The following GALNT13 variants were observed in gnomAD, a reference collection of about 807,000 sequenced individuals.
GALNT13 encodes UDP-GalNAc:polypeptide N-acetylgalactosaminyltransferase 13.
Under a neutral mutation model 64.2 loss-of-function variants are expected in GALNT13, and 28 were observed. The ratio of observed to expected loss-of-function variants is 0.44; its 90% CI spans 0.32 to 0.60. The LOEUF (loss-of-function observed/expected upper bound fraction) is 0.60, where lower values mean the gene tolerates loss of function less well. Among genes scored for constraint, GALNT13 ranks in the 20% least tolerant of loss-of-function variants. The probability of loss-of-function intolerance (pLI) is 0.05; values close to 1 mark genes in which losing one functional copy is unlikely to be tolerated. For synonymous variants in GALNT13, 214 were observed against 224.6 expected (o/e 0.95, Z 0.42); for missense variants, 577 against 669.8 (o/e 0.86, Z 1.53).
intron 3 of GALNT13, among the ~76,000 whole-genome samples, chr2:153,972,366 C>G (rs765107820): frequency 3.9e-5 from 6 of 152,096 alleles, no homozygotes; most frequent in Non-Finnish European, 8.8e-5. Flanking sequence ...ACACTAAGAA[C>G]TCTTTACTCC....
At chr2:153,430,760 T>A in the GALNT13 span, among the ~76,000 whole-genome samples, 5 of 152,158 alleles carry the variant, frequency 3.3e-5, no homozygotes, top group African/African-American at 7.2e-5. Context: ...ATTTAAAATT[T>A]TATAAAGGAA....
chr2:154,256,106 C>T (rs1234301847), intron 7 of GALNT13, among the ~76,000 whole-genome samples: 1 of 151,356 alleles, frequency 6.6e-6, no homozygotes, highest in Non-Finnish European at 1.5e-5. Flanking sequence ...AAATAGAGAG[C>T]AGGATTGTTA....
chr2:154,099,722 G>C (rs1160169852), intron 3 of GALNT13, among the ~76,000 whole-genome samples: 2 of 152,072 alleles, frequency 1.3e-5, no homozygotes, highest in Non-Finnish European at 2.9e-5. Context: ...AGGATTGCTT[G>C]AGCCCAAAAG....
chr2:153,942,209 T>C (rs777301188), intron 2 of GALNT13, among the ~76,000 whole-genome samples: 10 of 152,154 alleles, frequency 6.6e-5, no homozygotes, highest in Non-Finnish European at 1.3e-4. Context: ...GCAGGAAATA[T>C]GTTATAAACA....
At chr2:153,947,353 A>T (rs550873448) in intron 3 of GALNT13, among the ~76,000 whole-genome samples, 1 of 151,552 alleles carries the variant, frequency 6.6e-6, no homozygotes, top group African/African-American at 2.4e-5. Flanking sequence ...GCGTGTAATC[A>T]TGTGCCATAT....
the GALNT13 span, among the ~76,000 whole-genome samples, chr2:153,524,929 T>C: frequency 1.3e-5 from 2 of 151,514 alleles, no homozygotes; most frequent in South Asian, 4.2e-4. Context: ...GCTAGAGGAG[T>C]GCTGGCATCA....
intron 11 of GALNT13, among the ~76,000 whole-genome samples, chr2:154,432,798 A>C (rs1223383506): frequency 6.6e-6 from 1 of 152,188 alleles, no homozygotes; most frequent in Non-Finnish European, 1.5e-5. Flanking sequence ...GTATGACTTC[A>C]TCATGAGGAC....
the GALNT13 span, among the ~76,000 whole-genome samples, chr2:153,663,954 G>T: frequency 6.6e-6 from 1 of 152,136 alleles, no homozygotes; most frequent in Non-Finnish European, 1.5e-5. Flanking sequence ...GATTTCAAAA[G>T]GGGAGGGGGT....
chr2:153,693,066 A>G, the GALNT13 span, among the ~76,000 whole-genome samples: 1 of 152,356 alleles, frequency 6.6e-6, no homozygotes, highest in Admixed American at 6.5e-5. Flanking sequence ...GTGTTCTACA[A>G]TACATTTCAT....
chr2:153,098,171 C>T, the GALNT13 span, among the ~76,000 whole-genome samples: 1 of 152,200 alleles, frequency 6.6e-6, no homozygotes, highest in African/African-American at 2.4e-5. Context: ...TTAATGCTCA[C>T]TACCAGTCTT....
the GALNT13 span, among the ~76,000 whole-genome samples, chr2:153,072,688 C>T: frequency 6.6e-6 from 1 of 152,142 alleles, no homozygotes; most frequent in African/African-American, 2.4e-5. Context: ...TCTCATTATT[C>T]TCCTTTGCTT....
chr2:153,763,454 C>G, the GALNT13 span, among the ~76,000 whole-genome samples: 1 of 152,044 alleles, frequency 6.6e-6, no homozygotes, highest in Non-Finnish European at 1.5e-5. Context: ...ACTGTTGTCA[C>G]GATAGTGAAT....
At chr2:153,562,060 CTGTGTGTGTGTGTGTG>C in the GALNT13 span, among the ~76,000 whole-genome samples, 25,035 of 118,776 alleles carry the variant, frequency 0.21, 2,588 homozygotes, top group Middle Eastern at 0.3. Flanking sequence ...CTCTCTCTCT[CTGTGTGTGTGTGTGTG>C]TGTGTGTGTG....
the GALNT13 span, among the ~76,000 whole-genome samples, chr2:153,725,839 C>A: frequency 6.6e-6 from 1 of 152,092 alleles, no homozygotes; most frequent in Non-Finnish European, 1.5e-5. Context: ...GATCTTTTCC[C>A]CCTCTTTGTG....
the GALNT13 span, among the ~76,000 whole-genome samples, chr2:153,444,246 GTGA>G: frequency 6.6e-6 from 1 of 152,020 alleles, no homozygotes; most frequent in Admixed American, 6.6e-5. Context: ...ACTACCTAGG[GTGA>G]TAGTTAATGT....
chr2:153,295,757 A>C, the GALNT13 span, among the ~76,000 whole-genome samples: 3 of 152,184 alleles, frequency 2.0e-5, no homozygotes, highest in African/African-American at 7.2e-5. Flanking sequence ...GAATCTTGAG[A>C]AAAATTCCAG....
the GALNT13 span, among the ~76,000 whole-genome samples, chr2:153,230,648 TCA>T: frequency 1.3e-5 from 2 of 152,334 alleles, no homozygotes; most frequent in African/African-American, 4.8e-5. Flanking sequence ...TGATTACAAC[TCA>T]CAATTTAAAT....
the GALNT13 span, among the ~76,000 whole-genome samples, chr2:153,724,963 C>T: frequency 1.3e-5 from 2 of 151,424 alleles, no homozygotes; most frequent in Admixed American, 6.6e-5. Context: ...TGGGTATATA[C>T]CCAAATGACT....
chr2:153,830,212 C>A, the GALNT13 span, among the ~76,000 whole-genome samples: 2 of 152,030 alleles, frequency 1.3e-5, no homozygotes, highest in Non-Finnish European at 2.9e-5. Flanking sequence ...ACATGCTTTT[C>A]AAAATCTGCG....
Sources: gnomAD v4.1 joint callset for allele counts (sites outside exome capture counted in the v4.1 genomes callset) on GRCh38, gnomAD v4.1.1 for gene constraint, MANE v1.5 for transcripts, NCBI Gene and HGNC (gene_info 2026-07-23, HGNC 2026-07-21) for gene names.